CNTNAP2: variants seen among roughly 807,000 people sequenced by gnomAD.
CNTNAP2 encodes contactin-associated protein-like 2.
In CNTNAP2, 98 loss-of-function variants were observed where a neutral mutation model predicts 155.2. The observed-to-expected ratio is 0.63, with a 90% CI of 0.54 to 0.75. The LOEUF is 0.75. Among genes scored for constraint, CNTNAP2 ranks in the 30% least tolerant of loss-of-function variants. The pLI is 0.00. For missense variants in CNTNAP2, 1,727 were observed against 1,688.1 expected (o/e 1.02, Z -0.40); for synonymous variants, 651 against 631.2 (o/e 1.03, Z -0.47).
intron 1 of CNTNAP2, among the ~76,000 whole-genome samples, chr7:146,541,356 A>G (rs1453128854): frequency 6.6e-6 from 1 of 152,088 alleles, no homozygotes; most frequent in Non-Finnish European, 1.5e-5. Flanking sequence ...TAATAAGGAG[A>G]GACCTATCTG....
intron 1 of CNTNAP2, among the ~76,000 whole-genome samples, chr7:146,296,913 G>A (rs1800522866): frequency 6.6e-6 from 1 of 151,944 alleles, no homozygotes; most frequent in African/African-American, 2.4e-5. Context: ...AAGTAGATCA[G>A]CAAAGTACTG....
At chr7:147,547,720 G>A (rs1027303365) in intron 11 of CNTNAP2, among the ~76,000 whole-genome samples, 4 of 151,830 alleles carry the variant, frequency 2.6e-5, no homozygotes, top group Admixed American at 2.6e-4. Context: ...ATGGTGGTTT[G>A]CTGTACCTAT....
At chr7:146,483,301 A>G (rs1280260698) in intron 1 of CNTNAP2, among the ~76,000 whole-genome samples, 6 of 73,568 alleles carry the variant, frequency 8.2e-5, no homozygotes, top group Non-Finnish European at 1.3e-4. Flanking sequence ...ATATATATAT[A>G]TATATATATA....
At chr7:147,959,986 C>T (rs775235130) in intron 14 of CNTNAP2, among the ~76,000 whole-genome samples, 17 of 152,138 alleles carry the variant, frequency 1.1e-4, no homozygotes, top group Non-Finnish European at 2.4e-4. Flanking sequence ...AAGCCTAAAA[C>T]ATTATCCTTG....
At chr7:147,300,325 T>C (rs1196803625) in intron 9 of CNTNAP2, 35 bp downstream of exon 9, 4 of 1,612,132 alleles carry the variant, frequency 2.5e-6, no homozygotes, top group Admixed American at 1.7e-5. Context: ...TACTAATCCA[T>C]TGCAAAAAAT....
At chr7:147,329,885 C>T (rs1795526285) in intron 9 of CNTNAP2, among the ~76,000 whole-genome samples, 1 of 152,104 alleles carries the variant, frequency 6.6e-6, no homozygotes, top group Non-Finnish European at 1.5e-5. Flanking sequence ...AACCCTAAGC[C>T]ATTACTATGA....
Position 146,710,846 on chromosome 7 carries a change from G to T in CNTNAP2, c.98-63425G>T, listed in dbSNP as rs554852341. ...ACTGTAGGATATTTCAAGATAAGGG[G>T]CTAGTACTCCTCACTCATATATATC... On this transcript the variant is annotated intron_variant, in intron 1 of 23. Transcript: ENST00000361727. Among the ~76,000 whole-genome samples, 253 of 152,118 alleles carry T rather than the reference G, an allele frequency of 1.7e-3. 1 individual carries two copies. The highest frequency in any genetic ancestry group is 5.8e-3 in the African/African-American group (241 of 41,532).
intron 8 of CNTNAP2, among the ~76,000 whole-genome samples, chr7:147,169,104 G>A (rs1422937205): frequency 1.3e-5 from 2 of 152,000 alleles, no homozygotes; most frequent in African/African-American, 4.8e-5. Flanking sequence ...TTACTCTTCT[G>A]TATATATCTG....
intron 8 of CNTNAP2, among the ~76,000 whole-genome samples, chr7:147,296,189 G>T (rs1212239734): frequency 1.3e-5 from 2 of 152,116 alleles, no homozygotes; most frequent in African/African-American, 4.8e-5. Flanking sequence ...TGATATCTTT[G>T]AGATCCATGT....
intron 1 of CNTNAP2, among the ~76,000 whole-genome samples, chr7:146,497,259 T>C (rs984611271): frequency 6.6e-6 from 1 of 152,206 alleles, no homozygotes; most frequent in African/African-American, 2.4e-5. Context: ...AAAGTATGAA[T>C]GCACTTAAAT....
chr7:147,080,875 T>C (rs1021648833), intron 4 of CNTNAP2: 1 of 151,858 alleles, frequency 6.6e-6, no homozygotes, highest in Non-Finnish European at 1.5e-5. Flanking sequence ...TCTGGCTATG[T>C]ATCCTGAAAA....
At chr7:146,361,163 C>T (rs929149759) in intron 1 of CNTNAP2, among the ~76,000 whole-genome samples, 8 of 152,122 alleles carry the variant, frequency 5.3e-5, no homozygotes, top group African/African-American at 7.2e-5. Flanking sequence ...AACTACAGTA[C>T]GACTGACCCA....
chr7:148,150,102 C>CAAAAA (rs71188948), intron 17 of CNTNAP2, among the ~76,000 whole-genome samples: 7 of 84,532 alleles, frequency 8.3e-5, no homozygotes, highest in East Asian at 3.2e-4. Context: ...GGGGTTGTTA[C>CAAAAA]AAAAAAAAAA....
chr7:148,359,696 A>G (rs1419627547), intron 21 of CNTNAP2, among the ~76,000 whole-genome samples: 3 of 152,228 alleles, frequency 2.0e-5, no homozygotes, highest in Admixed American at 2.0e-4. Flanking sequence ...AATTTTTTTA[A>G]TTGTCTCACA....
chr7:147,010,602 AG>A (rs951296649), intron 3 of CNTNAP2, among the ~76,000 whole-genome samples: 8 of 152,188 alleles, frequency 5.3e-5, no homozygotes, highest in Admixed American at 1.3e-4. Flanking sequence ...CAAACTATGT[AG>A]TGATACTACC....
chr7:146,230,440 C>A (rs1799365081), intron 1 of CNTNAP2, among the ~76,000 whole-genome samples: 1 of 152,144 alleles, frequency 6.6e-6, no homozygotes, highest in Non-Finnish European at 1.5e-5. Context: ...TTTCATTCCT[C>A]CATATTAATC....
chr7:147,434,783 G>A (rs926173588), intron 10 of CNTNAP2, among the ~76,000 whole-genome samples: 9 of 152,202 alleles, frequency 5.9e-5, no homozygotes, highest in African/African-American at 2.2e-4. Context: ...AGCACTTTAA[G>A]TAAGTTCGCC....
chr7:146,938,675 G>A (rs28610523), intron 3 of CNTNAP2, among the ~76,000 whole-genome samples: 6,124 of 151,812 alleles, frequency 0.04, 140 homozygotes, highest in South Asian at 0.077. Context: ...AAAATATTTC[G>A]TTAAAATATT....
Position 148,026,137 on chromosome 7 carries a change from G to C in CNTNAP2, c.2383+48148G>C, listed in dbSNP as rs145407988. The stretch of plus-strand genomic sequence containing the variant: ...AGGAAATGACAGCTTACCCCCAAAA[G>C]TAAAGAAAAAGTGTACTTTAAAAAA... On this transcript the variant is annotated intron_variant, in intron 15 of 23. Transcript: ENST00000361727. Among the ~76,000 whole-genome samples the C allele has an allele frequency of 2.0e-3, 297 of 152,194 alleles. 1 individual carries two copies. The highest frequency in any genetic ancestry group is 6.9e-3 in the African/African-American group (287 of 41,520).
Sources: allele counts gnomAD v4.1 joint callset (sites outside exome capture counted in the v4.1 genomes callset), GRCh38; gene constraint gnomAD v4.1.1; transcripts MANE v1.5; gene names NCBI Gene and HGNC (gene_info 2026-07-23, HGNC 2026-07-21).